Variants in TRARG1 observed in about 807,000 individuals in gnomAD.
The protein encoded by TRARG1 is trafficking regulator of GLUT4 1.
Under a neutral mutation model 13.3 loss-of-function variants are expected in TRARG1, and 16 were observed. That is an observed-to-expected ratio of 1.20 (90% CI 0.81 to 1.83). TRARG1 has a LOEUF of 1.83. TRARG1 is among the 40% of genes most tolerant of loss of function. The pLI is 0.00. For missense variants in TRARG1, 250 were observed against 237.4 expected (o/e 1.05, Z -0.35); for synonymous variants, 113 against 106.2 (o/e 1.06, Z -0.39).
chr17:1,285,589 C>T (rs1432938268), intron 1 of TRARG1, among the ~76,000 whole-genome samples: 1 of 152,136 alleles, frequency 6.6e-6, no homozygotes, highest in African/African-American at 2.4e-5. Flanking sequence ...CCTGTAATCT[C>T]AGCTACTCTG....
At chr17:1,296,029 A>C (rs2072108422) in intron 2 of TRARG1, among the ~76,000 whole-genome samples, 1 of 152,170 alleles carries the variant, frequency 6.6e-6, no homozygotes, top group Non-Finnish European at 1.5e-5. Context: ...GAGATAAAGG[A>C]CGTGACTGTG....
intron 1 of TRARG1, among the ~76,000 whole-genome samples, chr17:1,290,421 G>A (rs568742872): frequency 1.1e-4 from 16 of 152,120 alleles, no homozygotes; most frequent in Non-Finnish European, 1.6e-4. Flanking sequence ...TCAGCCTCCC[G>A]AGTAGCTGAA....
In TRARG1 at chr17:1,280,381, C is replaced by T. The variant is rs2071964739; in HGVS notation, c.380C>T (p.Ser127Phe). Residue 127 changes from serine to phenylalanine, a missense_variant, in exon 1 of 3, where the codon TCC becomes TTC. By Grantham distance (155) the Ser-to-Phe change is radical (BLOSUM62 -2). Coordinates refer to ENST00000333813, the MANE Select transcript of TRARG1 (RefSeq NM_172367.3). Reference sequence around the variant, plus strand: ...CTCAACCTCATCCCCCTCATCATTTCCATCATGGTAAGTGCTGGTCTTTGT... The same window carrying T: ...CTCAACCTCATCCCCCTCATCATTTTCATCATGGTAAGTGCTGGTCTTTGT... ...WPLNLIPLII[S>F]IMSRSSMQQG... The T allele has an allele frequency of 6.3e-7, 1 of 1,597,350 alleles. No homozygotes were observed. Among genetic ancestry groups the T allele is most frequent in the Non-Finnish European group, 8.5e-7 (1 of 1,171,960 alleles).
chr17:1,288,082 C>T (rs2072036302), intron 1 of TRARG1, among the ~76,000 whole-genome samples: 1 of 152,018 alleles, frequency 6.6e-6, no homozygotes, highest in Admixed American at 6.5e-5. Context: ...TCCTCAGTCT[C>T]ATCCCCCTTC....
rs1033258194 is a variant in TRARG1, at chr17:1,282,311, C to T, written c.387+1923C>T. Among the ~76,000 whole-genome samples, 135 of 150,794 alleles carry T rather than the reference C, an allele frequency of 9.0e-4. 2 individuals carry two copies. The highest frequency in any genetic ancestry group is 1.7e-3 in the Non-Finnish European group (116 of 67,538). ...ATATATGTACGTATATGTACATATG[C>T]GTATATATGTACATATATGTACGTA... On this transcript the variant is annotated intron_variant, in intron 1 of 2. Transcript: ENST00000333813.
intron 1 of TRARG1, among the ~76,000 whole-genome samples, chr17:1,286,261 G>A (rs143124717): frequency 6.6e-6 from 1 of 152,360 alleles, no homozygotes; most frequent in African/African-American, 2.4e-5. Flanking sequence ...GGTGGCAGCA[G>A]GGAGGGGAGG....
At chr17:1,282,421 A>G (rs1308042677) in intron 1 of TRARG1, among the ~76,000 whole-genome samples, 1 of 151,624 alleles carries the variant, frequency 6.6e-6, no homozygotes, top group Non-Finnish European at 1.5e-5. Context: ...CCCAGGCTGG[A>G]GTGCAATGGT....
chr17:1,293,238 T>C (rs11658566), intron 1 of TRARG1, among the ~76,000 whole-genome samples: 67,584 of 144,398 alleles, frequency 0.47, 16,437 homozygotes, highest in African/African-American at 0.61. Flanking sequence ...GAACCGAGAT[T>C]GCGCCACTGC....
At chr17:1,294,887 T>C (rs1348762384) in intron 1 of TRARG1, among the ~76,000 whole-genome samples, 2 of 152,162 alleles carry the variant, frequency 1.3e-5, no homozygotes, top group Non-Finnish European at 2.9e-5. Context: ...GGTTTCACCA[T>C]GTTGGTCAGG....
At chr17:1,297,060 C>T (rs142779576) in intron 2 of TRARG1, among the ~76,000 whole-genome samples, 224 of 152,268 alleles carry the variant, frequency 1.5e-3, no homozygotes, top group African/African-American at 5.0e-3. Flanking sequence ...CTTTCATACA[C>T]GTACATCAGG....
chr17:1,284,345 G>A (rs2072005599), intron 1 of TRARG1, among the ~76,000 whole-genome samples: 1 of 152,184 alleles, frequency 6.6e-6, no homozygotes, highest in Admixed American at 6.5e-5. Context: ...CATCCCTGCC[G>A]CAGTGCCGTA....
intron 1 of TRARG1, among the ~76,000 whole-genome samples, chr17:1,286,052 A>G (rs904682520): frequency 1.3e-5 from 2 of 152,172 alleles, no homozygotes; most frequent in Non-Finnish European, 2.9e-5. Context: ...ATGATGGATG[A>G]GCTGAGGTCC....
chr17:1,284,451 G>A (rs1297735718), intron 1 of TRARG1, among the ~76,000 whole-genome samples: 1 of 152,178 alleles, frequency 6.6e-6, no homozygotes. Flanking sequence ...GGTTGGAGGG[G>A]ATGAGGCTGG....
chr17:1,297,039 C>T (rs917906398), intron 2 of TRARG1, among the ~76,000 whole-genome samples: 3 of 152,120 alleles, frequency 2.0e-5, no homozygotes, highest in African/African-American at 4.8e-5. Context: ...TCTGAACTGC[C>T]GATTTTCTTC....
intron 1 of TRARG1, among the ~76,000 whole-genome samples, chr17:1,288,237 AGCTCCCCATCCCCCACGG>A (rs2072037631): frequency 1.0e-5 from 1 of 99,184 alleles, no homozygotes; most frequent in Admixed American, 9.7e-5. Flanking sequence ...ATCCCCCACC[AGCTCCCCATCCCCCACGG>A]GCTCCTCATC....
At chr17:1,283,737 A>T (rs1270494843) in intron 1 of TRARG1, among the ~76,000 whole-genome samples, 1 of 151,478 alleles carries the variant, frequency 6.6e-6, no homozygotes, top group Non-Finnish European at 1.5e-5. Context: ...TGAACCCTGG[A>T]GGCAGAGGTT....
At chr17:1,282,223 T>TGCGTATATGC (rs1440567864) in intron 1 of TRARG1, among the ~76,000 whole-genome samples, 3 of 93,244 alleles carry the variant, frequency 3.2e-5, no homozygotes, top group African/African-American at 5.2e-5. Context: ...CGTATACACG[T>TGCGTATATGC]GCGTATATGT....
chr17:1,280,143 TC>T lies in TRARG1; in HGVS notation c.143del (p.Ser48TrpfsTer121). The T allele has an allele frequency of 6.2e-7, 1 of 1,613,930 alleles. No homozygotes were observed. The highest frequency in any genetic ancestry group is 8.5e-7 in the Non-Finnish European group (1 of 1,179,998). ...DKTLNLSKTL[S>X]GPLDLEQNSQ... is the part of the protein sequence containing the mutation. ...GACCCTGAATCTGTCCAAGACCCTC[TC>T]GGGGCCTCTGGATCTGGAGCAGAAC... On this transcript the variant is annotated frameshift_variant, in exon 1 of 3. Transcript: ENST00000333813. LOFTEE classifies it high-confidence loss of function.
At position 1,298,719 on chromosome 17, in the gene TRARG1, AGC is replaced by A. The variant is rs1228184922; in HGVS notation, c.*457_*458del. ...GGCCCCATCTTTTGTGTTTTCCTCA[AGC>A]GGGGAAAGAATGGACTGTTTGCATG... On this transcript the variant is annotated 3_prime_UTR_variant, in exon 3 of 3. Transcript: ENST00000333813. 1 of 168,356 alleles carries A rather than the reference AGC, an allele frequency of 5.9e-6. No homozygotes were observed. Among genetic ancestry groups the A allele is most frequent in the Non-Finnish European group, 1.3e-5 (1 of 78,896 alleles). The allele number at this position is 168,356 out of a possible 1,614,324, so 10.4% of individuals were successfully genotyped here. A position where few individuals can be genotyped will look rare whatever the true frequency, so the allele number is the denominator to read the frequency against.
Sources: allele counts gnomAD v4.1 joint callset (sites outside exome capture counted in the v4.1 genomes callset), GRCh38; gene constraint gnomAD v4.1.1; transcripts MANE v1.5; gene names NCBI Gene and HGNC (gene_info 2026-07-23, HGNC 2026-07-21).